Variants in F12 observed in about 807,000 individuals in gnomAD.
F12 encodes coagulation factor XII.
Under a neutral mutation model 74.8 loss-of-function variants are expected in F12, and 70 were observed. The observed-to-expected ratio is 0.94, with a 90% CI of 0.77 to 1.14. The LOEUF is 1.14. Among genes scored for constraint, F12 ranks in the 50% most tolerant of loss-of-function variants. The pLI is 0.00. For missense variants in F12, 811 were observed against 835.7 expected (o/e 0.97, Z 0.36); for synonymous variants, 373 against 356.4 (o/e 1.05, Z -0.52).
chr5:177,408,954 A>G, intron 2 of F12, 92 bp downstream of exon 2: 2 of 1,175,260 alleles, frequency 1.7e-6, no homozygotes, highest in Non-Finnish European at 2.5e-6. Flanking sequence ...AGCACCAGGT[A>G]GGCACTAGAC....
Position 177,403,538 on chromosome 5 carries a change from C to T in F12, c.1330G>A (p.Val444Met), listed in dbSNP as rs753979430. 3 of 1,594,598 alleles carry T rather than the reference C, an allele frequency of 1.9e-6. No homozygotes were observed. The highest frequency in any genetic ancestry group is 2.6e-6 in the Non-Finnish European group (3 of 1,173,822). The change falls in exon 11 of 14, where the codon GTG becomes ATG. Residue 444 changes from valine (V) to methionine (M), a missense_variant. By Grantham distance (21) the Val-to-Met change is conservative (BLOSUM62 1). Transcript: ENST00000253496. ...HSCEPCQTLAVRSYRLHEAFS... is the reference protein window; with the variant it reads ...HSCEPCQTLAMRSYRLHEAFS... ...GCCTCGTGCAAGCGGTAGGAGCGCA[C>T]GGCCAACGTCTGGCACGGCTCACAG...
In F12 at chr5:177,404,359, C is replaced by T; in HGVS notation, c.855G>A (p.Leu285=). 1.2e-6 allele frequency: 2 copies of T among 1,611,804 alleles called. No homozygotes were observed. Among genetic ancestry groups the T allele is most frequent in the South Asian group, 2.2e-5 (2 of 90,970 alleles). The change falls in exon 9 of 14, where the codon CTG becomes CTA. Residue 285 remains leucine (L), a synonymous_variant. Coordinates refer to ENST00000253496, the MANE Select transcript of F12 (RefSeq NM_000505.4). The stretch of plus-strand genomic sequence containing the variant: ...GTGCCAGGTCGCAGTACTCCCAGCT[C>T]AGCCGGTCGCGGTTCAGCACGAAGC... ...PWCFVLNRDR[L]SWEYCDLAQC... is the part of the protein sequence containing the mutation.
chr5:177,406,162 T>A, intron 2 of F12, 101 bp from the exon 3 acceptor site: 1 of 1,101,234 alleles, frequency 9.1e-7, no homozygotes, highest in African/African-American at 1.5e-5. Flanking sequence ...CTCAAAAAGG[T>A]CGCTGTGCAT....
chr5:177,403,683 C>T (rs996630831), intron 10 of F12, 66 bp from the exon 11 acceptor site: 22 of 1,570,280 alleles, frequency 1.4e-5, no homozygotes, highest in Non-Finnish European at 1.9e-5. Flanking sequence ...GGGAAGCCCC[C>T]TGCTCCCGAA....
chr5:177,409,021 C>T (rs1029058519), intron 2 of F12, 25 bp downstream of exon 2: 22 of 1,549,926 alleles, frequency 1.4e-5, no homozygotes, highest in Non-Finnish European at 1.7e-5. Context: ...CAAGGGTTCC[C>T]GGGAGGAGGA....
In F12 at chr5:177,403,214, G is replaced by A. The variant is rs773815171; in HGVS notation, c.1531+40C>T. ...TCTTCCGCCTAACCCAGTGATCAAAGGTCTCCTCCCCTACCCCTGCCCCTA... is the reference window on the plus strand; with the variant it reads ...TCTTCCGCCTAACCCAGTGATCAAAAGTCTCCTCCCCTACCCCTGCCCCTA... On this transcript the variant is annotated intron_variant, in intron 12 of 13. Transcript: ENST00000253496. The A allele has an allele frequency of 1.9e-6, 3 of 1,598,416 alleles. No individual in the cohort carries two copies. In the South Asian group the frequency reaches 3.3e-5, roughly 18 times the overall value.
At position 177,405,724 on chromosome 5, in the gene F12, G is replaced by A. The variant is rs1763273039; in HGVS notation, c.286+11C>T. 3 of 1,613,910 alleles carry A rather than the reference G, an allele frequency of 1.9e-6. No individual in the cohort carries two copies. The highest frequency in any genetic ancestry group is 4.5e-5 in the East Asian group (2 of 44,880). On this transcript the variant is annotated intron_variant, in intron 4 of 13. Coordinates refer to ENST00000253496, the MANE Select transcript of F12 (RefSeq NM_000505.4). ...AGAGCCCCAGGCCACCCCAGAGGCT[G>A]TGTGTAGCACCTTTCACTTTCTTGG... is the stretch of plus-strand genomic sequence containing the variant.
rs2070853 is a variant in F12 at position 177,402,168 on chromosome 5, T to C, written c.*124A>G. 8.0e-7 allele frequency: 1 copy of C among 1,255,046 alleles called. No homozygotes were observed. The highest frequency in any genetic ancestry group is 2.5e-5 in the East Asian group (1 of 39,714). 77.7% of individuals were successfully genotyped at this position (1,255,046 alleles called of 1,614,324 possible). A position where few individuals can be genotyped will look rare whatever the true frequency, so the allele number is the denominator to read the frequency against. On this transcript the variant is annotated 3_prime_UTR_variant, in exon 14 of 14. Coordinates refer to ENST00000253496, the MANE Select transcript of F12 (RefSeq NM_000505.4). ...AGCATTTTCAAAGCACTTTATTGAGTTCCTGCGCCATCCTGGCGCGGAGCT... is the reference window on the plus strand; with the variant it reads ...AGCATTTTCAAAGCACTTTATTGAGCTCCTGCGCCATCCTGGCGCGGAGCT...
At chr5:177,404,708 C>T (rs1292294475) in intron 7 of F12, 44 bp from the exon 8 acceptor site, 4 of 1,605,690 alleles carry the variant, frequency 2.5e-6, no homozygotes, top group Middle Eastern at 1.7e-4. Flanking sequence ...GCTGGGCTCT[C>T]CTGCCTCCCT....
At position 177,404,531 on chromosome 5, in the gene F12, C is replaced by A; in HGVS notation, c.768G>T (p.Arg256=). 6.3e-7 allele frequency: 1 copy of A among 1,599,560 alleles called. No individual in the cohort carries two copies. Residue 256 remains arginine (R), a synonymous_variant, in exon 8 of 14, where the codon CGG becomes CGT. Coordinates refer to ENST00000253496, the MANE Select transcript of F12 (RefSeq NM_000505.4). The part of the protein sequence containing the change: ...TYRNVTAEQA[R]NWGLGGHAFC... The stretch of plus-strand genomic sequence containing the variant: ...AGGCGTGGCCGCCCAGTCCCCAGTT[C>A]CGCGCTTGCTCGGCAGTCACGTTCC...
chr5:177,402,373 G>A lies in F12; in HGVS notation c.1767C>T (p.Gly589=), dbSNP rs1442170990. 1 of 1,613,694 alleles carries A rather than the reference G, an allele frequency of 6.2e-7. No homozygotes were observed. Among genetic ancestry groups the A allele is most frequent in the Non-Finnish European group, 8.5e-7 (1 of 1,179,974 alleles). ...TLQGIISWGS[G]CGDRNKPGVY... is the part of the protein sequence containing the mutation. ...CGCCTGGCTTGTTGCGGTCACCACA[G>A]CCCGATCCCCAGCTGATGATGCCTT... Residue 589 remains glycine, a synonymous_variant, in exon 14 of 14, where the codon GGC becomes GGT. Coordinates refer to ENST00000253496, the MANE Select transcript of F12 (RefSeq NM_000505.4).
rs1256000137 is a variant in F12, at chr5:177,404,849, G to A, written c.595C>T (p.His199Tyr). 2 of 1,609,968 alleles carry A rather than the reference G, an allele frequency of 1.2e-6. No homozygotes were observed. The highest frequency in any genetic ancestry group is 1.7e-6 in the Non-Finnish European group (2 of 1,179,064). Residue 199 changes from histidine (H) to tyrosine (Y), a missense_variant, in exon 7 of 14, where the codon CAC becomes TAC. Transcript: ENST00000253496. ...GCTCCGGTGTAGCCCACCGGGCAGT[G>A]GCACAGGCGGTGGCCCTCCACCTCT... ...CLEVEGHRLC[H>Y]CPVGYTGAFC...
In F12 at chr5:177,404,497, A is replaced by T; in HGVS notation, c.800+2T>A. The T allele has an allele frequency of 6.3e-6, 10 of 1,591,420 alleles. No homozygotes were observed. The highest frequency in any genetic ancestry group is 8.6e-6 in the Non-Finnish European group (10 of 1,169,420). On this transcript the variant is annotated splice_donor_variant, in intron 8 of 13. Transcript: ENST00000253496. LOFTEE classifies it high-confidence loss of function. The stretch of plus-strand genomic sequence containing the variant: ...GGGGTCACCCAGCCCCACGCGGCGC[A>T]CCGGCAGAAGGCGTGGCCGCCCAGT...
chr5:177,405,619 G>T (rs1763270598), intron 4 of F12, 116 bp downstream of exon 4: 1 of 1,240,076 alleles, frequency 8.1e-7, no homozygotes, highest in Non-Finnish European at 1.2e-6. Context: ...AGGGTATTGT[G>T]GAGGGAGAGA....
At position 177,409,530 on chromosome 5, in the gene F12, CATCCGTCCGTTG is replaced by C; in HGVS notation, c.-15_-4del. ...CCCAGGAGCAGCAGAGCCCTCATGG[CATCCGTCCGTTG>C]GTCCAGCTGCCTATCCAGGAGTCCA... On this transcript the variant is annotated 5_prime_UTR_variant, in exon 1 of 14. An upstream start codon of the reference 5' UTR is lost. Coordinates refer to ENST00000253496, the MANE Select transcript of F12 (RefSeq NM_000505.4). 6.2e-7 allele frequency: 1 copy of C among 1,614,022 alleles called. No individual in the cohort carries two copies. Among genetic ancestry groups the C allele is most frequent in the Non-Finnish European group, 8.5e-7 (1 of 1,179,940 alleles).
chr5:177,406,630 T>C (rs1763303568), intron 2 of F12, among the ~76,000 whole-genome samples: 1 of 152,234 alleles, frequency 6.6e-6, no homozygotes, highest in South Asian at 2.1e-4. Context: ...AGGCACTTAA[T>C]AATACTTGTT....
chr5:177,408,433 C>G (rs1284588949), intron 2 of F12, among the ~76,000 whole-genome samples: 1 of 152,160 alleles, frequency 6.6e-6, no homozygotes, highest in African/African-American at 2.4e-5. Flanking sequence ...ATGGCAGGTA[C>G]CCTTCATCTA....
At position 177,403,290 on chromosome 5, in the gene F12, G is replaced by A. The variant is rs1352582962; in HGVS notation, c.1495C>T (p.Leu499Phe). ...SGAARPSETT[L>F]CQVAGWGHQF... ...TGGCCCCAGCCGGCCACCTGGCAGA[G>A]CGTGGTCTCGGAGGGTCGCGCGGCG... Residue 499 changes from leucine to phenylalanine, a missense_variant, in exon 12 of 14, where the codon CTC (leucine) becomes TTC (phenylalanine). By Grantham distance (22) the Leu-to-Phe change is conservative. Transcript: ENST00000253496. 1 of 1,600,158 alleles carries A rather than the reference G, an allele frequency of 6.2e-7. No individual in the cohort carries two copies. Among genetic ancestry groups the A allele is most frequent in the Non-Finnish European group, 8.5e-7 (1 of 1,179,846 alleles).
chr5:177,402,203 G>A lies in F12; in HGVS notation c.*89C>T. On this transcript the variant is annotated 3_prime_UTR_variant, in exon 14 of 14. Coordinates refer to ENST00000253496, the MANE Select transcript of F12 (RefSeq NM_000505.4). Reference sequence around the variant, plus strand: ...ATCCTGGCGCGGAGCTGGCCGCACTGGGGGAATGGGACACAATCTTGCCTT... The same window carrying A: ...ATCCTGGCGCGGAGCTGGCCGCACTAGGGGAATGGGACACAATCTTGCCTT... 6.5e-7 allele frequency: 1 copy of A among 1,536,824 alleles called. No homozygotes were observed. Among genetic ancestry groups the A allele is most frequent in the Non-Finnish European group, 8.9e-7 (1 of 1,126,688 alleles).
Sources: allele counts gnomAD v4.1 joint callset (sites outside exome capture counted in the v4.1 genomes callset), GRCh38; gene constraint gnomAD v4.1.1; transcripts MANE v1.5; gene names NCBI Gene and HGNC (gene_info 2026-07-23, HGNC 2026-07-21).